TAFA2: variants seen among roughly 807,000 people sequenced by gnomAD.
The protein encoded by TAFA2 is chemokine-like protein TAFA-2.
TAFA2 carries 7 observed loss-of-function variants against 18.8 expected under a neutral mutation model. That is an observed-to-expected ratio of 0.37 (90% confidence interval 0.21 to 0.70). TAFA2 has a LOEUF of 0.70. TAFA2 is among the 30% of genes least tolerant of loss of function. The pLI is 0.53. For synonymous variants in TAFA2, 60 were observed against 54.2 expected (o/e 1.11, Z -0.47); for missense variants, 122 against 158.1 (o/e 0.77, Z 1.23).
Position 61,712,700 on chromosome 12 carries a change from T to C in TAFA2, c.385-2283A>G, listed in dbSNP as rs183445156. 7.2e-5 allele frequency among the ~76,000 whole-genome samples: 11 copies of C among 152,318 alleles called. No individual in the cohort carries two copies. In the East Asian group the frequency reaches 2.1e-3, roughly 29 times the overall value. On this transcript the variant is annotated intron_variant, in intron 4 of 4. Coordinates refer to ENST00000416284, the MANE Select transcript of TAFA2 (RefSeq NM_178539.5). ...GCAACCTATTCTCACACCTAAGTTT[T>C]ACACAATATTCCTGGATTACTAATT...
intron 1 of TAFA2, among the ~76,000 whole-genome samples, chr12:62,144,911 G>C (rs751940264): frequency 3.9e-5 from 6 of 152,178 alleles, no homozygotes; most frequent in Non-Finnish European, 8.8e-5. Flanking sequence ...TAGCAATACT[G>C]ATCAATGGTC....
chr12:62,174,462 C>T (rs2136944390), intron 1 of TAFA2, among the ~76,000 whole-genome samples: 1 of 152,212 alleles, frequency 6.6e-6, no homozygotes, highest in East Asian at 1.9e-4. Context: ...AGGAGAGAAC[C>T]ACAGATACTG....
intron 1 of TAFA2, among the ~76,000 whole-genome samples, chr12:62,161,851 T>G (rs988301030): frequency 6.6e-6 from 1 of 152,182 alleles, no homozygotes; most frequent in Non-Finnish European, 1.5e-5. Flanking sequence ...ATATTATAAG[T>G]GTTTGGGGTC....
intron 1 of TAFA2, among the ~76,000 whole-genome samples, chr12:62,008,521 A>G (rs1880631174): frequency 6.6e-6 from 1 of 152,192 alleles, no homozygotes; most frequent in Non-Finnish European, 1.5e-5. Context: ...GCCAAACTCT[A>G]TTAAAAGTAT....
intron 1 of TAFA2, among the ~76,000 whole-genome samples, chr12:61,873,168 A>T (rs1874692695): frequency 6.6e-6 from 1 of 152,194 alleles, no homozygotes. Flanking sequence ...ATTAACAACT[A>T]GAAATGGAGA....
At chr12:61,923,535 G>A (rs532434941) in intron 1 of TAFA2, among the ~76,000 whole-genome samples, 2 of 152,112 alleles carry the variant, frequency 1.3e-5, no homozygotes, top group South Asian at 4.2e-4. Context: ...AACAAAAATA[G>A]TATCAGCATC....
At chr12:61,997,964 T>C (rs1273444961) in intron 1 of TAFA2, among the ~76,000 whole-genome samples, 1 of 152,180 alleles carries the variant, frequency 6.6e-6, no homozygotes, top group Non-Finnish European at 1.5e-5. Context: ...TCTATGCACC[T>C]ATTTTTAAGA....
At chr12:61,872,019 G>T (rs1272165804) in intron 1 of TAFA2, among the ~76,000 whole-genome samples, 1 of 152,134 alleles carries the variant, frequency 6.6e-6, no homozygotes, top group African/African-American at 2.4e-5. Context: ...ACGAACCCGG[G>T]AGGTAGAGCT....
intron 1 of TAFA2, among the ~76,000 whole-genome samples, chr12:62,165,939 TCACACACACACACACACA>T (rs34593506): frequency 7.2e-6 from 1 of 139,364 alleles, no homozygotes; most frequent in Non-Finnish European, 1.5e-5. Context: ...TCTCTCTCTC[TCACACACACACACACACA>T]CACACACACA....
intron 1 of TAFA2, among the ~76,000 whole-genome samples, chr12:62,052,761 G>C (rs1344054209): frequency 1.3e-5 from 2 of 152,132 alleles, no homozygotes; most frequent in South Asian, 4.1e-4. Context: ...GAATCTAAGA[G>C]ATTCTTAGAT....
rs1422190320 is a variant in TAFA2 at position 61,709,926 on chromosome 12, T to C, written c.*480A>G. On this transcript the variant is annotated 3_prime_UTR_variant, in exon 5 of 5. Coordinates refer to ENST00000416284, the MANE Select transcript of TAFA2 (RefSeq NM_178539.5). The stretch of plus-strand genomic sequence containing the variant: ...AATAAAATTGTCTCAGTCTACACCA[T>C]GCCAGAGGAAAAGTTCTCAAAGGAA... The C allele has an allele frequency of 6.5e-6, 1 of 154,630 alleles. No individual in the cohort carries two copies. Among genetic ancestry groups the C allele is most frequent in the African/African-American group, 2.4e-5 (1 of 41,530 alleles). The allele number at this position is 154,630 out of a possible 1,614,324, so 9.6% of individuals were successfully genotyped here.
At chr12:62,050,740 T>C (rs1248161329) in intron 1 of TAFA2, among the ~76,000 whole-genome samples, 1 of 152,160 alleles carries the variant, frequency 6.6e-6, no homozygotes, top group Non-Finnish European at 1.5e-5. Flanking sequence ...CAATTAGCCA[T>C]GTGCTAATAA....
At chr12:62,123,246 G>A (rs1389017301) in intron 1 of TAFA2, among the ~76,000 whole-genome samples, 1 of 152,126 alleles carries the variant, frequency 6.6e-6, no homozygotes, top group Non-Finnish European at 1.5e-5. Context: ...AGCACTAGAA[G>A]CTCAATAAGT....
chr12:61,803,721 CA>C (rs2120980035), intron 2 of TAFA2, among the ~76,000 whole-genome samples: 1 of 151,886 alleles, frequency 6.6e-6, no homozygotes, highest in African/African-American at 2.4e-5. Flanking sequence ...AAGTCAGAAG[CA>C]TAATAACTTC....
intron 2 of TAFA2, among the ~76,000 whole-genome samples, chr12:61,829,900 C>G (rs1355161623): frequency 6.6e-6 from 1 of 151,678 alleles, no homozygotes; most frequent in Non-Finnish European, 1.5e-5. Flanking sequence ...TCTCCCTCCT[C>G]CATCTATTTA....
At chr12:61,927,663 T>C (rs769577518) in intron 1 of TAFA2, among the ~76,000 whole-genome samples, 2 of 152,184 alleles carry the variant, frequency 1.3e-5, no homozygotes, top group Non-Finnish European at 2.9e-5. Flanking sequence ...AGAACTACTT[T>C]AAATTTCATA....
chr12:61,931,685 A>G (rs1274766628), intron 1 of TAFA2, among the ~76,000 whole-genome samples: 2 of 152,204 alleles, frequency 1.3e-5, no homozygotes, highest in African/African-American at 2.4e-5. Flanking sequence ...CTCTAGTTCC[A>G]TGCATCCCTG....
chr12:61,801,773 C>T (rs1871406879), intron 2 of TAFA2, among the ~76,000 whole-genome samples: 1 of 151,860 alleles, frequency 6.6e-6, no homozygotes, highest in African/African-American at 2.4e-5. Context: ...CTATATCAAA[C>T]TAAAATGGCT....
At chr12:61,918,057 C>A (rs901632974) in intron 1 of TAFA2, among the ~76,000 whole-genome samples, 1 of 151,432 alleles carries the variant, frequency 6.6e-6, no homozygotes, top group African/African-American at 2.4e-5. Context: ...TGTATATATC[C>A]ATGGGTTACA....
Sources: allele counts gnomAD v4.1 joint callset (sites outside exome capture counted in the v4.1 genomes callset), GRCh38; gene constraint gnomAD v4.1.1; transcripts MANE v1.5; gene names NCBI Gene and HGNC (gene_info 2026-07-23, HGNC 2026-07-21).